Variants in ARHGAP6 observed in about 807,000 individuals in gnomAD.
ARHGAP6 encodes the protein Rho GTPase activating protein 6.
Under a neutral mutation model 55.7 loss-of-function variants are expected in ARHGAP6, and 16 were observed. The ratio of observed to expected loss-of-function variants is 0.29; its 90% CI spans 0.19 to 0.44. The LOEUF is 0.44. Among genes scored for constraint, ARHGAP6 ranks in the 20% least tolerant of loss-of-function variants. ARHGAP6 has a pLI of 1.00. For missense variants in ARHGAP6, 698 were observed against 808.9 expected (o/e 0.86, Z 1.66); for synonymous variants, 382 against 360.9 (o/e 1.06, Z -0.66).
At chrX:11,651,879 C>CT (rs1394630006) in intron 1 of ARHGAP6, among the ~76,000 whole-genome samples, 4 of 112,224 alleles carry the variant, frequency 3.6e-5, no homozygotes, top group Non-Finnish European at 3.8e-5. Flanking sequence ...TTGCATTTCT[C>CT]TAATCATCAG....
chrX:11,449,646 C>T (rs1280779503), intron 1 of ARHGAP6, among the ~76,000 whole-genome samples: 1 of 112,139 alleles, frequency 8.9e-6, no homozygotes, highest in African/African-American at 3.2e-5. Context: ...TTACCAAGTT[C>T]CCCTGAAAGC....
chrX:11,463,495 T>C (rs1029053255), intron 1 of ARHGAP6, among the ~76,000 whole-genome samples: 3 of 111,049 alleles, frequency 2.7e-5, no homozygotes, highest in African/African-American at 6.6e-5. Flanking sequence ...CTAACCACCA[T>C]ACCTGGCTAA....
intron 1 of ARHGAP6, among the ~76,000 whole-genome samples, chrX:11,607,695 T>C (rs1177470282): frequency 8.9e-6 from 1 of 112,564 alleles, no homozygotes; most frequent in Admixed American, 9.4e-5. Context: ...TTCTTATTGT[T>C]GGCTTGGTTA....
chrX:11,291,571 G>T (rs769193268), intron 1 of ARHGAP6, among the ~76,000 whole-genome samples: 7 of 110,837 alleles, frequency 6.3e-5, no homozygotes, highest in Admixed American at 1.9e-4. Context: ...TCCAATATAT[G>T]TAATTATATA....
rs778982752 is a variant in ARHGAP6, at chrX:11,209,552, CTACT to C, written c.749-12560_749-12557del. On this transcript the variant is annotated intron_variant, in intron 2 of 12. Transcript: ENST00000337414. ...AAAATTAATAACCAAATAGAATGTT[CTACT>C]TAGTCATTTTTGACTTATCTTTATA... Among the ~76,000 whole-genome samples, 40 of 112,261 alleles carry C rather than the reference CTACT, an allele frequency of 3.6e-4. No individual in the cohort carries two copies. The East Asian group carries it at 9.4e-3, about 26-fold the overall frequency.
intron 1 of ARHGAP6, among the ~76,000 whole-genome samples, chrX:11,564,699 G>C (rs895926152): frequency 5.4e-5 from 6 of 111,797 alleles, no homozygotes; most frequent in African/African-American, 1.9e-4. Context: ...TTTTTATACA[G>C]CATTAGGTCA....
At chrX:11,354,285 C>CTT (rs1569311393) in intron 1 of ARHGAP6, among the ~76,000 whole-genome samples, 2 of 81,705 alleles carry the variant, frequency 2.4e-5, no homozygotes, top group African/African-American at 9.5e-5. Context: ...CTCTCTCTCT[C>CTT]TCTCTCTCTT....
chrX:11,486,041 T>C (rs1336738754), intron 1 of ARHGAP6, among the ~76,000 whole-genome samples: 2 of 112,113 alleles, frequency 1.8e-5, no homozygotes, highest in Admixed American at 1.9e-4. Context: ...AGGCATATGA[T>C]TAAGTCTGCA....
At chrX:11,297,953 C>A (rs1242378063) in intron 1 of ARHGAP6, 3 of 568,263 alleles carry the variant, frequency 5.3e-6, no homozygotes, top group Admixed American at 5.4e-5. Flanking sequence ...ATCTCTTTAA[C>A]TCCCCATAAC....
intron 1 of ARHGAP6, among the ~76,000 whole-genome samples, chrX:11,302,665 T>G (rs1039177898): frequency 1.3e-4 from 14 of 111,438 alleles, no homozygotes; most frequent in Non-Finnish European, 7.5e-5. Context: ...TGGGTTTACC[T>G]GTAGTAAAAA....
At chrX:11,341,149 C>G (rs769738211) in intron 1 of ARHGAP6, among the ~76,000 whole-genome samples, 1 of 111,300 alleles carries the variant, frequency 9.0e-6, no homozygotes, top group Non-Finnish European at 1.9e-5. Context: ...TTTGTCAAAA[C>G]TGATAGAACC....
chrX:11,138,756 G>A lies in ARHGAP6; in HGVS notation c.*107C>T, dbSNP rs1263736503. ...TGGATTTCTCTTGTGTCACTTTTGA[G>A]AAGTGTGAAAGAAGAACACTAAGTG... On this transcript the variant is annotated 3_prime_UTR_variant, in exon 13 of 13. Coordinates refer to ENST00000337414, the MANE Select transcript of ARHGAP6 (RefSeq NM_013427.3). 6.8e-5 allele frequency: 59 copies of A among 870,442 alleles called. No individual in the cohort carries two copies. The highest frequency in any genetic ancestry group is 8.7e-5 in the Non-Finnish European group (55 of 630,819). 71.7% of individuals were successfully genotyped at this position (870,442 alleles called of 1,213,427 possible).
intron 1 of ARHGAP6, among the ~76,000 whole-genome samples, chrX:11,415,472 G>C (rs1167594426): frequency 8.9e-6 from 1 of 111,825 alleles, no homozygotes; most frequent in Non-Finnish European, 1.9e-5. Flanking sequence ...AAGAAAATCA[G>C]GATAGATTTG....
chrX:11,332,515 T>C (rs2048575510), intron 1 of ARHGAP6, among the ~76,000 whole-genome samples: 2 of 112,107 alleles, frequency 1.8e-5, no homozygotes, highest in South Asian at 7.5e-4. Context: ...ATCCCTATGC[T>C]TTGTGAAGTG....
chrX:11,467,989 AATG>A (rs1488211472), intron 1 of ARHGAP6, among the ~76,000 whole-genome samples: 2,144 of 59,544 alleles, frequency 0.036, 62 homozygotes, highest in African/African-American at 0.098. Context: ...TAAATGAATG[AATG>A]AATAAATAAA....
intron 1 of ARHGAP6, among the ~76,000 whole-genome samples, chrX:11,437,904 C>T (rs2050002323): frequency 8.9e-6 from 1 of 111,899 alleles, no homozygotes; most frequent in Admixed American, 9.4e-5. Flanking sequence ...TGAGATATTC[C>T]GGGCAGAGCA....
At chrX:11,599,958 T>C (rs1438808185) in intron 1 of ARHGAP6, among the ~76,000 whole-genome samples, 1 of 112,189 alleles carries the variant, frequency 8.9e-6, no homozygotes, top group Non-Finnish European at 1.9e-5. Context: ...TGTTTCTACT[T>C]GTGCAAAATA....
rs752946173 is a variant in ARHGAP6, at chrX:11,664,697, G to A, written c.132C>T (p.Gly44=). Residue 44 remains glycine (G), a synonymous_variant, in exon 1 of 13, where the codon GGC becomes GGT. Transcript: ENST00000337414. The part of the protein sequence containing the change: ...QTRSLDPALI[G]GCGSDEAGAE... ...CGCCCGCCTCGTCGCTCCCGCAGCC[G>A]CCGATCAGGGCCGGGTCCAGGCTGC... 7.8e-5 allele frequency: 92 copies of A among 1,178,080 alleles called. No homozygotes were observed. The highest frequency in any genetic ancestry group is 5.4e-4 in the Middle Eastern group (2 of 3,721).
intron 1 of ARHGAP6, among the ~76,000 whole-genome samples, chrX:11,400,506 C>A (rs5935053): frequency 0.046 from 4,881 of 105,686 alleles, 172 homozygotes; most frequent in African/African-American, 0.099. Context: ...CCCCCCGCAC[C>A]CCGTCCCCCC....
Sources: gnomAD v4.1 joint callset for allele counts (sites outside exome capture counted in the v4.1 genomes callset) on GRCh38, gnomAD v4.1.1 for gene constraint, MANE v1.5 for transcripts, NCBI Gene and HGNC (gene_info 2026-07-23, HGNC 2026-07-21) for gene names.